The following QKI variants were observed in gnomAD, a reference collection of about 807,000 sequenced individuals.
The protein encoded by QKI is KH domain-containing RNA-binding protein QKI.
Under a neutral mutation model 39.0 loss-of-function variants are expected in QKI, and 10 were observed. The observed-to-expected ratio is 0.26, with a 90% CI of 0.16 to 0.43. QKI has a LOEUF of 0.43. Among genes scored for constraint, QKI ranks in the 20% least tolerant of loss-of-function variants. The probability of loss-of-function intolerance (pLI) is 1.00; values close to 1 mark genes in which losing one functional copy is unlikely to be tolerated. For synonymous variants in QKI, 204 were observed against 155.4 expected, an observed-to-expected ratio of 1.31 and a Z score of -2.33; for missense variants, 218 against 428.0, an observed-to-expected ratio of 0.51 and a Z score of 4.33.
chr6:163,498,971 A>T (rs1778578016), intron 3 of QKI, among the ~76,000 whole-genome samples: 3 of 152,138 alleles, frequency 2.0e-5, no homozygotes, highest in Admixed American at 2.0e-4. Flanking sequence ...AAATTGATTC[A>T]TGTGCACATA....
At chr6:163,474,958 G>A (rs890886319) in intron 2 of QKI, among the ~76,000 whole-genome samples, 31 of 151,984 alleles carry the variant, frequency 2.0e-4, no homozygotes, top group Admixed American at 7.9e-4. Flanking sequence ...ACCAAATGGA[G>A]AAATTTTACC....
At chr6:163,417,393 A>G (rs1279708745) in intron 1 of QKI, among the ~76,000 whole-genome samples, 1 of 152,122 alleles carries the variant, frequency 6.6e-6, no homozygotes, top group Non-Finnish European at 1.5e-5. Context: ...GGAGATTCCA[A>G]AAAAAAGTTT....
At chr6:163,556,307 G>A (rs1782603917) in intron 4 of QKI, among the ~76,000 whole-genome samples, 1 of 152,088 alleles carries the variant, frequency 6.6e-6, no homozygotes, top group South Asian at 2.1e-4. Context: ...GAGGTCAGGA[G>A]TTCGAGACCA....
chr6:163,549,346 GTTC>G (rs1473127129), intron 4 of QKI, among the ~76,000 whole-genome samples: 2 of 152,130 alleles, frequency 1.3e-5, no homozygotes, highest in Non-Finnish European at 2.9e-5. Flanking sequence ...CAGAGAAAGT[GTTC>G]TCCTGCACTC....
chr6:163,554,615 A>G (rs1782467918), intron 4 of QKI, among the ~76,000 whole-genome samples: 1 of 152,234 alleles, frequency 6.6e-6, no homozygotes, highest in Admixed American at 6.5e-5. Context: ...CTTTCAAGAG[A>G]GAACTTCTGA....
At chr6:163,425,027 GA>G (rs1325803048) in intron 1 of QKI, among the ~76,000 whole-genome samples, 1 of 152,170 alleles carries the variant, frequency 6.6e-6, no homozygotes, top group Non-Finnish European at 1.5e-5. Flanking sequence ...AAAAGAAAAA[GA>G]AAGATGATGT....
At chr6:163,455,881 A>G (rs1253240447) in intron 2 of QKI, among the ~76,000 whole-genome samples, 3 of 152,114 alleles carry the variant, frequency 2.0e-5, no homozygotes, top group African/African-American at 7.2e-5. Context: ...TTGTTGAACT[A>G]TTCTCTATAA....
chr6:163,537,429 G>A (rs978691930), intron 4 of QKI, among the ~76,000 whole-genome samples: 1 of 152,162 alleles, frequency 6.6e-6, no homozygotes, highest in Non-Finnish European at 1.5e-5. Flanking sequence ...CAGAGAAGTT[G>A]CTTTGACTTC....
intron 2 of QKI, among the ~76,000 whole-genome samples, chr6:163,474,375 A>G (rs1310890499): frequency 2.0e-5 from 3 of 152,150 alleles, no homozygotes; most frequent in African/African-American, 7.2e-5. Flanking sequence ...AAAATAGAGA[A>G]CTGTCATTAT....
At chr6:163,450,709 A>G (rs572398128) in intron 1 of QKI, among the ~76,000 whole-genome samples, 4 of 152,340 alleles carry the variant, frequency 2.6e-5, no homozygotes, top group African/African-American at 9.6e-5. Context: ...AGGCCTAAAC[A>G]AAAAATAGTT....
At chr6:163,482,189 GA>G (rs930092506) in intron 3 of QKI, among the ~76,000 whole-genome samples, 2 of 151,806 alleles carry the variant, frequency 1.3e-5, no homozygotes, top group Non-Finnish European at 2.9e-5. Flanking sequence ...TGTCTCGGGG[GA>G]AAAAAGAAAA....
Position 163,455,344 on chromosome 6 carries a change from G to A in QKI, c.208G>A (p.Ala70Thr). ...TLNGSTEKRS[A>T]ELPDAVGPIV... ...AAATGGCAGTACAGAGAAAAGGAGT[G>A]CAGAATTGCCTGATGCTGTGGGACC... is the stretch of plus-strand genomic sequence containing the variant. The change falls in exon 2 of 8, where the codon GCA (alanine) becomes ACA (threonine). Residue 70 changes from alanine (A) to threonine (T), a missense_variant. Physicochemically the swap from Ala to Thr is moderately conservative, Grantham distance 58 (BLOSUM62 0). Around this residue, in one of 3 missense-constraint regions of QKI, gnomAD observed 61 missense variants for 193.3 expected, o/e 0.32. Transcript: ENST00000361752. The A allele has an allele frequency of 6.2e-7, 1 of 1,613,198 alleles. No homozygotes were observed. The highest frequency in any genetic ancestry group is 8.5e-7 in the Non-Finnish European group (1 of 1,179,242).
intron 2 of QKI, among the ~76,000 whole-genome samples, chr6:163,475,337 AT>A (rs372130643): frequency 2.0e-5 from 3 of 152,040 alleles, no homozygotes; most frequent in Admixed American, 1.3e-4. Context: ...AAATATACAA[AT>A]TTTTTCTTGT....
Position 163,572,986 on chromosome 6 carries a change from C to G in QKI, c.*2276C>G, listed in dbSNP as rs951878817. The G allele has an allele frequency of 6.6e-6, 1 of 152,142 alleles. No homozygotes were observed. The highest frequency in any genetic ancestry group is 6.5e-5 in the Admixed American group (1 of 15,272). 9.4% of individuals were successfully genotyped at this position (152,142 alleles called of 1,614,324 possible). ...TGAATAAATTTGCGACACTCAAACA[C>G]TTGAGGTGATAGTTGTTAAAAACAA... On this transcript the variant is annotated 3_prime_UTR_variant, in exon 8 of 8. Transcript: ENST00000361752.
At position 163,562,089 on chromosome 6, in the gene QKI, C is replaced by T; in HGVS notation, c.634+20C>T. On this transcript the variant is annotated intron_variant, in intron 5 of 7. Coordinates refer to ENST00000361752, the MANE Select transcript of QKI (RefSeq NM_006775.3). ...AATCACGTAAGAATGAGCTCTGAGG[C>T]CCAGGGTTACTGCTGTCTGCGTTGT... is the stretch of plus-strand genomic sequence containing the variant. 1 of 1,583,570 alleles carries T rather than the reference C, an allele frequency of 6.3e-7. No individual in the cohort carries two copies. Among genetic ancestry groups the T allele is most frequent in the Non-Finnish European group, 8.6e-7 (1 of 1,158,796 alleles).
intron 6 of QKI, chr6:163,566,067 A>C: frequency 6.4e-7 from 1 of 1,563,294 alleles, no homozygotes; most frequent in Non-Finnish European, 8.7e-7. Flanking sequence ...TTAGCCTAGC[A>C]GTCAGTGACT....
chr6:163,433,955 A>T (rs193129131), intron 1 of QKI, among the ~76,000 whole-genome samples: 37 of 152,280 alleles, frequency 2.4e-4, no homozygotes, highest in African/African-American at 8.7e-4. Flanking sequence ...CTATTTTTCT[A>T]TTCTGTTTCA....
chr6:163,551,021 A>G (rs745536312), intron 4 of QKI, among the ~76,000 whole-genome samples: 15 of 152,024 alleles, frequency 9.9e-5, no homozygotes, highest in Non-Finnish European at 2.1e-4. Flanking sequence ...TGGCCAGCCA[A>G]TGTGAATGTT....
chr6:163,525,912 T>C (rs1411023457), intron 3 of QKI, among the ~76,000 whole-genome samples: 2 of 152,248 alleles, frequency 1.3e-5, no homozygotes, highest in Non-Finnish European at 2.9e-5. Flanking sequence ...AAGGATTAAG[T>C]TATTTTATGA....
Sources: allele counts gnomAD v4.1 joint callset (sites outside exome capture counted in the v4.1 genomes callset), GRCh38; gene constraint gnomAD v4.1.1; regional missense constraint gnomAD v4.1.1; transcripts MANE v1.5; gene names NCBI Gene and HGNC (gene_info 2026-07-23, HGNC 2026-07-21).